PCMTD1: variants seen among roughly 807,000 people sequenced by gnomAD.
PCMTD1 encodes the protein protein-L-isoaspartate O-methyltransferase domain-containing protein 1.
Under a neutral mutation model 37.6 loss-of-function variants are expected in PCMTD1, and 12 were observed. The observed-to-expected ratio is 0.32, with a 90% CI of 0.20 to 0.52. PCMTD1 has a LOEUF of 0.52. Ranked by LOEUF, PCMTD1 falls within the 20% of genes least tolerant of loss-of-function variation. The pLI, the probability that PCMTD1 is intolerant of heterozygous loss-of-function variation, is 0.97. For synonymous variants in PCMTD1, 117 were observed against 135.8 expected, an observed-to-expected ratio of 0.86 and a Z score of 0.96; for missense variants, 235 against 421.3, an observed-to-expected ratio of 0.56 and a Z score of 3.87.
At chr8:51,862,864 T>C in intron 1 of PCMTD1, among the ~76,000 whole-genome samples, 1 of 152,306 alleles carries the variant, frequency 6.6e-6, no homozygotes, top group South Asian at 2.1e-4. Flanking sequence ...TCTAGCACCT[T>C]CAGTCCTCAA....
chr8:51,841,174 G>A (rs2038142502), intron 3 of PCMTD1, among the ~76,000 whole-genome samples: 1 of 152,106 alleles, frequency 6.6e-6, no homozygotes, highest in Admixed American at 6.6e-5. Flanking sequence ...TCTGGGAAAT[G>A]TGAACACCAA....
intron 1 of PCMTD1, among the ~76,000 whole-genome samples, chr8:51,882,137 G>T (rs115186328): frequency 0.025 from 3,775 of 152,270 alleles, 162 homozygotes; most frequent in African/African-American, 0.085. Flanking sequence ...AGAAGTCCAA[G>T]ATCAAAGTGC....
chr8:51,866,801 C>T (rs890256971), intron 1 of PCMTD1, among the ~76,000 whole-genome samples: 16 of 151,924 alleles, frequency 1.1e-4, no homozygotes, highest in Admixed American at 3.3e-4. Context: ...AACTAGAAAG[C>T]TTCTGTACAG....
chr8:51,834,793 A>G (rs1165845294), intron 3 of PCMTD1, among the ~76,000 whole-genome samples: 1 of 152,158 alleles, frequency 6.6e-6, no homozygotes, highest in African/African-American at 2.4e-5. Flanking sequence ...TCTATTTCCT[A>G]AAGAAGAAAA....
intron 1 of PCMTD1, among the ~76,000 whole-genome samples, chr8:51,880,356 T>A (rs1371668621): frequency 6.6e-6 from 1 of 152,216 alleles, no homozygotes; most frequent in African/African-American, 2.4e-5. Context: ...ATAAGATTCA[T>A]AATGATGTTT....
At chr8:51,854,490 A>G (rs2038354226) in intron 2 of PCMTD1, among the ~76,000 whole-genome samples, 1 of 152,226 alleles carries the variant, frequency 6.6e-6, no homozygotes, top group Non-Finnish European at 1.5e-5. Flanking sequence ...TCAAATAGTT[A>G]AGAGTTTCAT....
chr8:51,844,862 TCA>T (rs1156569195), intron 3 of PCMTD1: 1 of 152,244 alleles, frequency 6.6e-6, no homozygotes, highest in African/African-American at 2.4e-5. Context: ...GTTGAAATTC[TCA>T]GTGTTTTTGC....
rs1186197647 is a variant in PCMTD1 at position 51,818,068 on chromosome 8, T to C, written c.*2283A>G. 2.5e-6 allele frequency: 1 copy of C among 395,828 alleles called. No individual in the cohort carries two copies. The highest frequency in any genetic ancestry group is 3.0e-5 in the Admixed American group (1 of 33,132). The allele number at this position is 395,828 out of a possible 1,614,324, so 24.5% of individuals were successfully genotyped here. A position where few individuals can be genotyped will look rare whatever the true frequency, so the allele number is the denominator to read the frequency against. ...TCCACCTATAAAGCGTAATTTTCCA[T>C]ATCAAGTAAACATAAATTCATTAAA... On this transcript the variant is annotated 3_prime_UTR_variant, in exon 6 of 6. Transcript: ENST00000522514.
At chr8:51,858,317 T>A (rs1174513201) in intron 2 of PCMTD1, among the ~76,000 whole-genome samples, 1 of 5,194 alleles carries the variant, frequency 1.9e-4, no homozygotes, top group Non-Finnish European at 8.8e-3. Flanking sequence ...ACCCACTGTT[T>A]ATGGGGGAGC....
At chr8:51,834,285 C>T (rs1244716063) in intron 3 of PCMTD1, among the ~76,000 whole-genome samples, 1 of 152,126 alleles carries the variant, frequency 6.6e-6, no homozygotes, top group Non-Finnish European at 1.5e-5. Context: ...AGAATTAATA[C>T]TATTTTTTTC....
At chr8:51,895,184 C>T (rs2038983232) in intron 1 of PCMTD1, among the ~76,000 whole-genome samples, 1 of 152,114 alleles carries the variant, frequency 6.6e-6, no homozygotes, top group African/African-American at 2.4e-5. Flanking sequence ...ATCTATACTT[C>T]AGGAAGTGAG....
intron 1 of PCMTD1, chr8:51,895,884 C>A (rs761976622): frequency 6.7e-6 from 1 of 149,478 alleles, no homozygotes; most frequent in Non-Finnish European, 1.5e-5. Flanking sequence ...GGTTTCTTCT[C>A]AAATACAGAT....
chr8:51,819,724 T>C lies in PCMTD1; in HGVS notation c.*627A>G, dbSNP rs1415942184. On this transcript the variant is annotated 3_prime_UTR_variant, in exon 6 of 6. Transcript: ENST00000522514. ...ATCTCTATGAGAGAGGCAGATATTTTACCCATGTCTTTTGGCAAGAGATTC... is the reference window on the plus strand; with the variant it reads ...ATCTCTATGAGAGAGGCAGATATTTCACCCATGTCTTTTGGCAAGAGATTC... The C allele has an allele frequency of 6.6e-6, 1 of 152,662 alleles. No homozygotes were observed. The allele number at this position is 152,662 out of a possible 1,614,324, so 9.5% of individuals were successfully genotyped here. A position where few individuals can be genotyped will look rare whatever the true frequency, so the allele number is the denominator to read the frequency against.
intron 2 of PCMTD1, among the ~76,000 whole-genome samples, chr8:51,853,503 C>T (rs552927393): frequency 1.3e-5 from 2 of 152,164 alleles, no homozygotes; most frequent in South Asian, 2.1e-4. Context: ...CAAAGTAACA[C>T]GCAGTCAATT....
At chr8:51,861,361 C>T in intron 1 of PCMTD1, 115 bp from the exon 2 acceptor site, 1 of 766,380 alleles carries the variant, frequency 1.3e-6, no homozygotes, top group East Asian at 2.9e-5. Flanking sequence ...AAATATTCTG[C>T]TCCAGCATAG....
intron 5 of PCMTD1, among the ~76,000 whole-genome samples, chr8:51,829,367 G>C (rs1226966768): frequency 6.6e-6 from 1 of 152,198 alleles, no homozygotes; most frequent in Non-Finnish European, 1.5e-5. Context: ...CAAGGGTGGA[G>C]GAACGGCTAG....
intron 2 of PCMTD1, among the ~76,000 whole-genome samples, chr8:51,853,214 G>A (rs751057420): frequency 1.3e-5 from 2 of 152,150 alleles, no homozygotes; most frequent in African/African-American, 2.4e-5. Context: ...GGTGTAGGAG[G>A]GTAGATGGAC....
chr8:51,855,203 A>T (rs56394995), intron 2 of PCMTD1, among the ~76,000 whole-genome samples: 1 of 140,142 alleles, frequency 7.1e-6, no homozygotes, highest in Non-Finnish European at 1.5e-5. Flanking sequence ...ACAAAAAAAA[A>T]ACATAATTTA....
chr8:51,866,832 A>G (rs117904333), intron 1 of PCMTD1, among the ~76,000 whole-genome samples: 2,108 of 152,134 alleles, frequency 0.014, 32 homozygotes, highest in Middle Eastern at 0.044. Context: ...CTAATTGTTT[A>G]CAAGCAGTAA....
Sources: allele counts gnomAD v4.1 joint callset (sites outside exome capture counted in the v4.1 genomes callset), GRCh38; gene constraint gnomAD v4.1.1; transcripts MANE v1.5; gene names NCBI Gene and HGNC (gene_info 2026-07-23, HGNC 2026-07-21).